TDP1: variants seen among roughly 807,000 people sequenced by gnomAD.
The protein encoded by TDP1 is tyrosyl-DNA phosphodiesterase 1, also known as tyr-DNA phosphodiesterase 1.
A neutral mutation model predicts 81.5 loss-of-function variants in TDP1; 64 were observed. That is an observed-to-expected ratio of 0.79 (90% confidence interval 0.64 to 0.97). TDP1 has a LOEUF of 0.97. TDP1 is among the 50% of genes least tolerant of loss of function. TDP1 has a pLI of 0.00. For synonymous variants in TDP1, 256 were observed against 264.3 expected, an observed-to-expected ratio of 0.97 and a Z score of 0.30; for missense variants, 723 against 743.8, an observed-to-expected ratio of 0.97 and a Z score of 0.33.
At chr14:89,967,315 C>T (rs1893051356) in intron 4 of TDP1, 52 bp from the exon 5 acceptor site, 2 of 1,529,088 alleles carry the variant, frequency 1.3e-6, no homozygotes, top group African/African-American at 1.4e-5. Context: ...TCCTTATGAA[C>T]TGTTTGGCAG....
At chr14:90,037,764 A>G (rs940867424) in intron 16 of TDP1, among the ~76,000 whole-genome samples, 6 of 152,224 alleles carry the variant, frequency 3.9e-5, no homozygotes, top group African/African-American at 1.4e-4. Flanking sequence ...AGTGATCAAT[A>G]TCAGCAGTTA....
intron 15 of TDP1, among the ~76,000 whole-genome samples, chr14:90,029,228 C>T (rs1420019438): frequency 2.8e-5 from 4 of 142,480 alleles, no homozygotes; most frequent in Non-Finnish European, 4.5e-5. Flanking sequence ...GACAGAGTCT[C>T]GCTTTGTCAC....
intron 14 of TDP1, among the ~76,000 whole-genome samples, chr14:90,010,629 G>C (rs115571862): frequency 0.039 from 5,920 of 152,256 alleles, 378 homozygotes; most frequent in African/African-American, 0.13. Context: ...TGGCCTTGAA[G>C]ATGAAGGAAC....
At position 90,007,135 on chromosome 14, in the gene TDP1, C is replaced by T. The variant is rs35974476; in HGVS notation, c.1542-12181C>T. ...CTTTGTTCTTTTTCTTCCCGGTAGC[C>T]CTGTCCTTTCAAACAAATTCAGTTT... On this transcript the variant is annotated intron_variant, in intron 14 of 16. Transcript: ENST00000335725. Among the ~76,000 whole-genome samples the T allele has an allele frequency of 2.0e-3, 305 of 152,250 alleles. 1 individual carries two copies. Among genetic ancestry groups the T allele is most frequent in the African/African-American group, 7.0e-3 (289 of 41,540 alleles).
intron 14 of TDP1, among the ~76,000 whole-genome samples, chr14:90,015,804 C>T (rs1021401115): frequency 3.9e-5 from 6 of 152,172 alleles, no homozygotes; most frequent in African/African-American, 1.2e-4. Flanking sequence ...GACACCATCA[C>T]ATTGGGGGTT....
intron 5 of TDP1, among the ~76,000 whole-genome samples, chr14:89,969,970 G>A (rs1453073881): frequency 7.1e-5 from 10 of 141,118 alleles, no homozygotes; most frequent in South Asian, 2.2e-4. Context: ...TCCGCCTCCC[G>A]GGTTCACGCC....
chr14:90,029,912 T>C (rs568490164), intron 15 of TDP1, among the ~76,000 whole-genome samples: 13 of 152,344 alleles, frequency 8.5e-5, no homozygotes, highest in African/African-American at 2.4e-4. Context: ...AAAATACTTA[T>C]AATTATACTC....
chr14:90,001,492 T>TA (rs1897183862), intron 14 of TDP1, among the ~76,000 whole-genome samples: 1 of 152,200 alleles, frequency 6.6e-6, no homozygotes, highest in African/African-American at 2.4e-5. Context: ...AGTTTATAAT[T>TA]ATCATGCTTC....
In TDP1 at chr14:89,984,526, AG is replaced by A. The variant is rs773960264; in HGVS notation, c.896del (p.Ser299ThrfsTer29). 6.8e-6 allele frequency: 11 copies of A among 1,613,992 alleles called. No homozygotes were observed. Among genetic ancestry groups the A allele is most frequent in the Non-Finnish European group, 8.5e-6 (10 of 1,180,036 alleles). On this transcript the variant is annotated frameshift_variant, in exon 9 of 17. Coordinates refer to ENST00000335725, the MANE Select transcript of TDP1 (RefSeq NM_018319.4). LOFTEE classifies it high-confidence loss of function. ...WHQKTQGIWL[S>X]PLYPRIADGT... ...TTTTTTTAATTCCAGAATATGGTTG[AG>A]CCCCTTATACCCACGAATTGCTGAT...
intron 3 of TDP1, among the ~76,000 whole-genome samples, chr14:89,964,464 C>G (rs1377937042): frequency 6.6e-6 from 1 of 152,126 alleles, no homozygotes; most frequent in Non-Finnish European, 1.5e-5. Context: ...TATGAAGTAA[C>G]CAGTGTAATA....
intron 10 of TDP1, 167 bp from the exon 11 acceptor site, chr14:89,988,738 T>C (rs1315167880): frequency 2.0e-6 from 2 of 983,418 alleles, no homozygotes; most frequent in Non-Finnish European, 2.4e-6. Flanking sequence ...TTAAAAAAAA[T>C]TTCCCAAAGA....
chr14:89,971,393 T>A, intron 6 of TDP1, 122 bp downstream of exon 6: 2 of 755,864 alleles, frequency 2.6e-6, no homozygotes, highest in South Asian at 1.5e-5. Context: ...TCAATAGATA[T>A]TTGTCTAGCC....
chr14:89,988,743 CAAA>C (rs989056379), intron 10 of TDP1, 159 bp from the exon 11 acceptor site: 1 of 984,018 alleles, frequency 1.0e-6, no homozygotes, highest in African/African-American at 1.7e-5. Context: ...AAAAATTTCC[CAAA>C]GAAGAAGTAT....
chr14:89,993,245 C>T, intron 13 of TDP1, 131 bp from the exon 14 acceptor site: 2 of 1,290,132 alleles, frequency 1.6e-6, no homozygotes, highest in Non-Finnish European at 2.1e-6. Flanking sequence ...TAAAATCTCA[C>T]AGGTCACAGA....
At chr14:90,022,697 T>G (rs1211206651) in intron 15 of TDP1, 1 of 963,642 alleles carries the variant, frequency 1.0e-6, no homozygotes, top group South Asian at 4.8e-5. Flanking sequence ...CTTAAAGTGC[T>G]TATATCACAA....
At chr14:89,963,062 G>T in intron 2 of TDP1, 46 bp from the exon 3 acceptor site, 1 of 1,613,842 alleles carries the variant, frequency 6.2e-7, no homozygotes, top group South Asian at 1.1e-5. Context: ...TTTTGCCAAT[G>T]CCCTGATGAA....
chr14:90,027,039 T>C (rs765367662), intron 15 of TDP1, among the ~76,000 whole-genome samples: 1 of 152,216 alleles, frequency 6.6e-6, no homozygotes, highest in Admixed American at 6.5e-5. Context: ...CGCCACACTG[T>C]CTTCCACAAT....
chr14:90,005,481 T>G (rs1897591396), intron 14 of TDP1, among the ~76,000 whole-genome samples: 1 of 152,258 alleles, frequency 6.6e-6, no homozygotes, highest in African/African-American at 2.4e-5. Context: ...ATAGTTCTGT[T>G]AAAAGCATTA....
At chr14:90,022,474 C>T (rs1249026665) in intron 15 of TDP1, among the ~76,000 whole-genome samples, 4 of 152,212 alleles carry the variant, frequency 2.6e-5, no homozygotes, top group Non-Finnish European at 5.9e-5. Flanking sequence ...CCAGTGACAC[C>T]TCAGGCCTAG....
Sources: gnomAD v4.1 joint callset for allele counts (sites outside exome capture counted in the v4.1 genomes callset) on GRCh38, gnomAD v4.1.1 for gene constraint, MANE v1.5 for transcripts, NCBI Gene and HGNC (gene_info 2026-07-23, HGNC 2026-07-21) for gene names.